Variants in CAB39 observed in about 807,000 individuals in gnomAD.
CAB39 encodes calcium-binding protein 39.
In CAB39, 8 loss-of-function variants were observed where a neutral mutation model predicts 40.0. The observed-to-expected ratio is 0.20, with a 90% CI of 0.12 to 0.36. The LOEUF (loss-of-function observed/expected upper bound fraction) is 0.36, where lower values mean the gene tolerates loss of function less well. Among genes scored for constraint, CAB39 ranks in the 10% least tolerant of loss-of-function variants. The pLI, the probability that CAB39 is intolerant of heterozygous loss-of-function variation, is 1.00. For synonymous variants in CAB39, 156 were observed against 141.6 expected, an observed-to-expected ratio of 1.10 and a Z score of -0.72; for missense variants, 270 against 401.1, an observed-to-expected ratio of 0.67 and a Z score of 2.79.
At chr2:230,723,890 A>G (rs971146845) in intron 1 of CAB39, among the ~76,000 whole-genome samples, 5 of 152,190 alleles carry the variant, frequency 3.3e-5, no homozygotes, top group African/African-American at 9.7e-5. Flanking sequence ...TGTGACCTGA[A>G]GTTGCTGAAA....
chr2:230,818,714 A>C lies in CAB39; in HGVS notation c.*10A>C. 1.9e-6 allele frequency: 3 copies of C among 1,607,124 alleles called. No homozygotes were observed. The highest frequency in any genetic ancestry group is 2.6e-6 in the Non-Finnish European group (3 of 1,174,526). On this transcript the variant is annotated 3_prime_UTR_variant, in exon 9 of 9. Transcript: ENST00000258418. Reference sequence around the variant, plus strand: ...TCAGCAAGAAGCTTAATCTCCAATAAACATCTATGTTAAATCCAAATTCAG... The same window carrying C: ...TCAGCAAGAAGCTTAATCTCCAATACACATCTATGTTAAATCCAAATTCAG...
chr2:230,741,566 C>G (rs561084448), intron 1 of CAB39, among the ~76,000 whole-genome samples: 1 of 152,228 alleles, frequency 6.6e-6, no homozygotes, highest in Admixed American at 6.5e-5. Flanking sequence ...GTCTCTAATT[C>G]CTAGCCTCAA....
chr2:230,784,808 C>T (rs890616650), intron 2 of CAB39, among the ~76,000 whole-genome samples: 1 of 152,168 alleles, frequency 6.6e-6, no homozygotes, highest in African/African-American at 2.4e-5. Context: ...GGGTGCTACT[C>T]AATAGTTGTC....
At chr2:230,719,121 A>G (rs568376713) in intron 1 of CAB39, among the ~76,000 whole-genome samples, 1 of 152,352 alleles carries the variant, frequency 6.6e-6, no homozygotes, top group East Asian at 1.9e-4. Flanking sequence ...GTATGAAGTT[A>G]GAAGTCGAAA....
intron 2 of CAB39, among the ~76,000 whole-genome samples, chr2:230,764,392 G>C (rs1279903741): frequency 6.6e-6 from 1 of 152,196 alleles, no homozygotes; most frequent in Admixed American, 6.5e-5. Context: ...GCTAAGCTGT[G>C]ATGTTCTGTG....
Position 230,810,311 on chromosome 2 carries a change from C to A in CAB39, c.616C>A (p.His206Asn). The change falls in exon 6 of 9, where the codon CAT becomes AAT. Residue 206 changes from histidine to asparagine, a missense_variant. His to Asn is a moderately conservative substitution (Grantham distance 68, BLOSUM62 1). Coordinates refer to ENST00000258418, the MANE Select transcript of CAB39 (RefSeq NM_016289.4). ...KLLSAEFLEQ[H>N]YDRFFSEYEK... Reference sequence around the variant, plus strand: ...GCTCAGTGCAGAATTTTTGGAACAGCATTATGATAGAGTAAGTATATGAAA... The same window carrying A: ...GCTCAGTGCAGAATTTTTGGAACAGAATTATGATAGAGTAAGTATATGAAA... 7.4e-7 allele frequency: 1 copy of A among 1,354,876 alleles called. No individual in the cohort carries two copies. Among genetic ancestry groups the A allele is most frequent in the Non-Finnish European group, 1.0e-6 (1 of 974,652 alleles). 83.9% of individuals were successfully genotyped at this position (1,354,876 alleles called of 1,614,324 possible). A position where few individuals can be genotyped will look rare whatever the true frequency, so the allele number is the denominator to read the frequency against.
intron 1 of CAB39, among the ~76,000 whole-genome samples, chr2:230,747,031 A>T (rs563610532): frequency 3.8e-4 from 58 of 152,340 alleles, no homozygotes; most frequent in Non-Finnish European, 6.9e-4. Flanking sequence ...TTTACTGTGG[A>T]GATCTTTATG....
At chr2:230,811,496 C>T (rs187925252) in intron 6 of CAB39, among the ~76,000 whole-genome samples, 2 of 152,264 alleles carry the variant, frequency 1.3e-5, no homozygotes, top group Admixed American at 1.3e-4. Flanking sequence ...AATGGCAGTT[C>T]TGTCATCATC....
At chr2:230,751,787 C>A (rs1440082480) in intron 1 of CAB39, among the ~76,000 whole-genome samples, 1 of 152,046 alleles carries the variant, frequency 6.6e-6, no homozygotes, top group African/African-American at 2.4e-5. Context: ...GAGTAGACTT[C>A]AGTACCAAAA....
chr2:230,775,915 C>T (rs547170561), intron 2 of CAB39, among the ~76,000 whole-genome samples: 2 of 152,138 alleles, frequency 1.3e-5, no homozygotes, highest in South Asian at 4.1e-4. Context: ...GACTTGGGGG[C>T]GCAGATAAAA....
At chr2:230,755,347 T>C (rs1695171372) in intron 1 of CAB39, among the ~76,000 whole-genome samples, 1 of 152,182 alleles carries the variant, frequency 6.6e-6, no homozygotes, top group Non-Finnish European at 1.5e-5. Context: ...AGGAGTAAGG[T>C]GGGTATTGCA....
At chr2:230,789,641 C>T (rs992603937) in intron 2 of CAB39, among the ~76,000 whole-genome samples, 3 of 152,174 alleles carry the variant, frequency 2.0e-5, no homozygotes, top group Non-Finnish European at 2.9e-5. Context: ...ACTTTCCTTA[C>T]CCATGTGTGG....
At chr2:230,813,365 G>T (rs1696337344) in intron 6 of CAB39, among the ~76,000 whole-genome samples, 1 of 152,076 alleles carries the variant, frequency 6.6e-6, no homozygotes, top group Non-Finnish European at 1.5e-5. Context: ...TAAATTTGTG[G>T]CATTTTGTTC....
intron 2 of CAB39, among the ~76,000 whole-genome samples, chr2:230,761,944 G>T (rs1459401315): frequency 3.3e-5 from 5 of 151,506 alleles, no homozygotes; most frequent in Non-Finnish European, 5.9e-5. Context: ...GTCTCGCTCG[G>T]TTAGCCAGGC....
intron 5 of CAB39, 54 bp from the exon 6 acceptor site, chr2:230,810,209 G>A (rs1054292807): frequency 1.8e-5 from 14 of 782,662 alleles, no homozygotes; most frequent in East Asian, 8.1e-5. Flanking sequence ...TTTAGGATTC[G>A]CTTTTTTGAA....
chr2:230,782,807 TTCTTTC>T (rs1412628774), intron 2 of CAB39, among the ~76,000 whole-genome samples: 8 of 124,874 alleles, frequency 6.4e-5, no homozygotes, highest in African/African-American at 3.2e-4. Context: ...CTTTCTTTCT[TTCTTTC>T]TTTTTTTTTT....
At chr2:230,721,008 G>A (rs1694442363) in intron 1 of CAB39, among the ~76,000 whole-genome samples, 1 of 152,078 alleles carries the variant, frequency 6.6e-6, no homozygotes, top group Non-Finnish European at 1.5e-5. Context: ...TAATTTATTT[G>A]GATAGAGGAT....
intron 2 of CAB39, among the ~76,000 whole-genome samples, chr2:230,772,561 T>C (rs532068378): frequency 1.4e-3 from 210 of 151,498 alleles, no homozygotes; most frequent in African/African-American, 4.9e-3. Context: ...CTCGGCTCAC[T>C]GCAAGCTCCA....
chr2:230,722,504 G>GAC (rs1479581751), intron 1 of CAB39, among the ~76,000 whole-genome samples: 1 of 152,214 alleles, frequency 6.6e-6, no homozygotes, highest in African/African-American at 2.4e-5. Flanking sequence ...GTAGAGATGA[G>GAC]ATGGGAGGGA....
Sources: allele counts gnomAD v4.1 joint callset (sites outside exome capture counted in the v4.1 genomes callset), GRCh38; gene constraint gnomAD v4.1.1; transcripts MANE v1.5; gene names NCBI Gene and HGNC (gene_info 2026-07-23, HGNC 2026-07-21).